LYPLAL1: variants seen among roughly 807,000 people sequenced by gnomAD.
LYPLAL1 encodes lysophospholipase-like protein 1.
Under a neutral mutation model 19.7 loss-of-function variants are expected in LYPLAL1, and 23 were observed. The observed-to-expected ratio is 1.17, with a 90% CI of 0.84 to 1.65. The LOEUF is 1.65. Ranked by LOEUF, LYPLAL1 falls within the 40% of genes most tolerant of loss-of-function variation. The pLI is 0.00. For missense variants in LYPLAL1, 355 were observed against 279.4 expected, an observed-to-expected ratio of 1.27 and a Z score of -1.93; for synonymous variants, 119 against 96.3, an observed-to-expected ratio of 1.24 and a Z score of -1.38.
At chr1:219,308,369 C>T in the LYPLAL1 span, among the ~76,000 whole-genome samples, 1 of 152,208 alleles carries the variant, frequency 6.6e-6, no homozygotes, top group Non-Finnish European at 1.5e-5. Flanking sequence ...AGAAGAAATT[C>T]AAGCTGGCTC....
intron 3 of LYPLAL1, among the ~76,000 whole-genome samples, chr1:219,201,695 A>C (rs962655984): frequency 6.6e-6 from 1 of 152,202 alleles, no homozygotes; most frequent in Non-Finnish European, 1.5e-5. Flanking sequence ...ACAAAAGTGC[A>C]AAGGCAGTCA....
intron 3 of LYPLAL1, among the ~76,000 whole-genome samples, chr1:219,205,370 A>C (rs12125703): frequency 0.22 from 32,963 of 149,884 alleles, 4,188 homozygotes; most frequent in African/African-American, 0.27. Flanking sequence ...TCTCAAAAAA[A>C]AAAAAAAACA....
At chr1:219,191,267 A>C (rs570482823) in intron 2 of LYPLAL1, among the ~76,000 whole-genome samples, 29 of 151,730 alleles carry the variant, frequency 1.9e-4, no homozygotes, top group Admixed American at 1.1e-3. Context: ...TTTCCATAGG[A>C]ATAAAAGTTC....
At chr1:219,339,670 C>G in the LYPLAL1 span, among the ~76,000 whole-genome samples, 1 of 152,012 alleles carries the variant, frequency 6.6e-6, no homozygotes, top group South Asian at 2.1e-4. Flanking sequence ...ATTCCCATTT[C>G]TAGCTTAGAG....
chr1:219,311,715 G>A, the LYPLAL1 span, among the ~76,000 whole-genome samples: 2 of 151,944 alleles, frequency 1.3e-5, no homozygotes, highest in Non-Finnish European at 2.9e-5. Context: ...TATACCACCA[G>A]GACATCAGAT....
chr1:219,257,624 A>G, the LYPLAL1 span, among the ~76,000 whole-genome samples: 1 of 152,080 alleles, frequency 6.6e-6, no homozygotes, highest in Non-Finnish European at 1.5e-5. Flanking sequence ...GGAGTAGGTA[A>G]CAAAGATCAC....
At chr1:219,202,257 A>G (rs1004765022) in intron 3 of LYPLAL1, among the ~76,000 whole-genome samples, 1 of 152,190 alleles carries the variant, frequency 6.6e-6, no homozygotes, top group African/African-American at 2.4e-5. Context: ...TGTGTCTGAC[A>G]TGTAATGTTG....
At chr1:219,409,522 A>T in the LYPLAL1 span, 3 of 151,896 alleles carry the variant, frequency 2.0e-5, no homozygotes, top group African/African-American at 7.3e-5. Flanking sequence ...TGACACTGAG[A>T]TTTTGAAACT....
the LYPLAL1 span, among the ~76,000 whole-genome samples, chr1:219,403,736 T>G: frequency 6.6e-6 from 1 of 152,200 alleles, no homozygotes; most frequent in African/African-American, 2.4e-5. Flanking sequence ...GTTAATTCCT[T>G]TATTTCTATT....
the LYPLAL1 span, among the ~76,000 whole-genome samples, chr1:219,420,043 T>G: frequency 3.5e-4 from 53 of 152,208 alleles, no homozygotes; most frequent in African/African-American, 1.1e-3. Context: ...CTTTATTATC[T>G]ACAGAACTTG....
At chr1:219,243,631 A>T in the LYPLAL1 span, among the ~76,000 whole-genome samples, 12 of 152,178 alleles carry the variant, frequency 7.9e-5, no homozygotes, top group African/African-American at 2.4e-4. Flanking sequence ...AAAAAAATTT[A>T]AAAAAGGTCC....
the LYPLAL1 span, among the ~76,000 whole-genome samples, chr1:219,317,725 A>G: frequency 2.0e-5 from 3 of 152,170 alleles, no homozygotes; most frequent in African/African-American, 7.2e-5. Flanking sequence ...TGCAGGGCAT[A>G]AATGCTTGGT....
At chr1:219,297,410 C>G in the LYPLAL1 span, among the ~76,000 whole-genome samples, 1 of 152,170 alleles carries the variant, frequency 6.6e-6, no homozygotes, top group African/African-American at 2.4e-5. Flanking sequence ...GTCTGACCCA[C>G]TACACGTATC....
chr1:219,361,627 G>A, the LYPLAL1 span, among the ~76,000 whole-genome samples: 2 of 152,090 alleles, frequency 1.3e-5, no homozygotes, highest in Non-Finnish European at 2.9e-5. Context: ...AAGAAAGGTT[G>A]ATCCGATGTC....
chr1:219,438,991 TATAAG>T, the LYPLAL1 span, among the ~76,000 whole-genome samples: 1 of 152,208 alleles, frequency 6.6e-6, no homozygotes. Flanking sequence ...CTACCTGATA[TATAAG>T]ATGTTTCATC....
At chr1:219,319,930 C>T in the LYPLAL1 span, among the ~76,000 whole-genome samples, 1 of 152,200 alleles carries the variant, frequency 6.6e-6, no homozygotes, top group Non-Finnish European at 1.5e-5. Context: ...TCTTATAATC[C>T]AGTCACAGTC....
chr1:219,396,052 G>A, the LYPLAL1 span, among the ~76,000 whole-genome samples: 5 of 149,520 alleles, frequency 3.3e-5, no homozygotes, highest in Non-Finnish European at 5.9e-5. Flanking sequence ...GCAGTGAGCC[G>A]AGATTGCACC....
At chr1:219,253,132 G>A in the LYPLAL1 span, among the ~76,000 whole-genome samples, 3 of 151,736 alleles carry the variant, frequency 2.0e-5, no homozygotes, top group African/African-American at 4.8e-5. Flanking sequence ...CAGTAGTAAC[G>A]TTCCCTTTGT....
chr1:219,195,133 T>G (rs915965805), intron 3 of LYPLAL1, among the ~76,000 whole-genome samples: 1 of 152,124 alleles, frequency 6.6e-6, no homozygotes, highest in Non-Finnish European at 1.5e-5. Context: ...ATATAATATC[T>G]GTTTACTGAG....
Sources: gnomAD v4.1 joint callset for allele counts (sites outside exome capture counted in the v4.1 genomes callset) on GRCh38, gnomAD v4.1.1 for gene constraint, MANE v1.5 for transcripts, NCBI Gene and HGNC (gene_info 2026-07-23, HGNC 2026-07-21) for gene names.